The following NIPBL variants were observed in gnomAD, a reference collection of about 807,000 sequenced individuals.
NIPBL encodes nipped-B-like protein.
Under a neutral mutation model 321.8 loss-of-function variants are expected in NIPBL, and 19 were observed. That is an observed-to-expected ratio of 0.06 (90% confidence interval 0.04 to 0.09). The LOEUF (loss-of-function observed/expected upper bound fraction) is 0.09, where lower values mean the gene tolerates loss of function less well. NIPBL is among the 10% of genes least tolerant of loss of function. The pLI is 1.00. For missense variants in NIPBL, 2,210 were observed against 3,327.0 expected, an observed-to-expected ratio of 0.66 and a Z score of 8.26; for synonymous variants, 1,106 against 1,114.1, an observed-to-expected ratio of 0.99 and a Z score of 0.14.
chr5:36,900,429 G>C (rs1174001130), intron 1 of NIPBL, among the ~76,000 whole-genome samples: 1 of 152,118 alleles, frequency 6.6e-6, no homozygotes, highest in Non-Finnish European at 1.5e-5. Flanking sequence ...AAAGGGGACT[G>C]TCTAGCTATA....
At chr5:36,947,357 A>T (rs1181951362) in intron 1 of NIPBL, among the ~76,000 whole-genome samples, 1 of 152,038 alleles carries the variant, frequency 6.6e-6, no homozygotes, top group African/African-American at 2.4e-5. Context: ...ACATGTAAGT[A>T]CTGCAGTATT....
In NIPBL at chr5:36,962,151, G is replaced by A; in HGVS notation, c.487G>A (p.Gly163Arg). 1 of 1,614,018 alleles carries A rather than the reference G, an allele frequency of 6.2e-7. No individual in the cohort carries two copies. ...SRFVPPQTSS[G>R]NRFMPQQNSP... ...GTTTGTGCCACCACAGACAAGCTCT[G>A]GGAACAGATTTATGCCACAGCAAAA... Residue 163 changes from glycine to arginine, a missense_variant, in exon 6 of 47, where the codon GGG becomes AGG. Around this residue, in one of 14 missense-constraint regions of NIPBL, gnomAD observed 464 missense variants for 529.5 expected, o/e 0.88. Transcript: ENST00000282516.
chr5:37,051,580 C>G, intron 40 of NIPBL, 199 bp from the exon 41 acceptor site: 4 of 587,574 alleles, frequency 6.8e-6, no homozygotes, highest in Non-Finnish European at 3.0e-6. Context: ...AGTATTTTTG[C>G]TGGTGCTCCA....
intron 1 of NIPBL, among the ~76,000 whole-genome samples, chr5:36,897,885 A>G (rs1382904455): frequency 1.4e-5 from 2 of 144,326 alleles, no homozygotes; most frequent in Non-Finnish European, 3.1e-5. Context: ...TGAGTCATAC[A>G]GGGAAAAAAA....
intron 34 of NIPBL, among the ~76,000 whole-genome samples, chr5:37,043,124 G>T (rs1239038979): frequency 6.6e-6 from 1 of 152,104 alleles, no homozygotes; most frequent in Non-Finnish European, 1.5e-5. Flanking sequence ...GGCTGAGCAT[G>T]GTGGCCCACA....
chr5:36,890,933 CT>C (rs1401442208), intron 1 of NIPBL, among the ~76,000 whole-genome samples: 2 of 152,120 alleles, frequency 1.3e-5, no homozygotes, highest in Non-Finnish European at 2.9e-5. Flanking sequence ...ATTCCTATGT[CT>C]TTTCTCAGGA....
At chr5:37,011,787 C>G (rs529847001) in intron 21 of NIPBL, among the ~76,000 whole-genome samples, 1 of 151,856 alleles carries the variant, frequency 6.6e-6, no homozygotes, top group Admixed American at 6.6e-5. Flanking sequence ...AATTTTTTCA[C>G]TCAACATCGC....
intron 1 of NIPBL, among the ~76,000 whole-genome samples, chr5:36,947,238 C>T (rs893755186): frequency 3.9e-5 from 6 of 151,952 alleles, no homozygotes; most frequent in African/African-American, 1.4e-4. Flanking sequence ...AGCTATAGTT[C>T]AGACTACTTT....
intron 40 of NIPBL, 45 bp from the exon 41 acceptor site, chr5:37,051,734 A>G (rs1048627152): frequency 2.9e-6 from 4 of 1,389,064 alleles, no homozygotes; most frequent in Non-Finnish European, 3.1e-6. Context: ...TAAATAGAGA[A>G]TTTTTACTAC....
At chr5:37,024,836 G>A in intron 30 of NIPBL, 117 bp downstream of exon 30, 1 of 775,442 alleles carries the variant, frequency 1.3e-6, no homozygotes, top group Non-Finnish European at 2.0e-6. Context: ...ATCGTTTATA[G>A]TTTATAAACT....
At chr5:36,924,287 T>C (rs1749184468) in intron 1 of NIPBL, among the ~76,000 whole-genome samples, 1 of 152,102 alleles carries the variant, frequency 6.6e-6, no homozygotes, top group Non-Finnish European at 1.5e-5. Flanking sequence ...ATTAATAAAA[T>C]GTTTAGTGTG....
intron 21 of NIPBL, among the ~76,000 whole-genome samples, chr5:37,014,387 T>G (rs1440136352): frequency 6.6e-6 from 1 of 152,174 alleles, no homozygotes; most frequent in Non-Finnish European, 1.5e-5. Flanking sequence ...TTTCAATCCA[T>G]TTCTTTCTGT....
At chr5:36,922,011 C>T (rs1237900972) in intron 1 of NIPBL, among the ~76,000 whole-genome samples, 2 of 151,646 alleles carry the variant, frequency 1.3e-5, no homozygotes, top group East Asian at 1.9e-4. Context: ...CCCAGCCTCC[C>T]GAGTAGCTGG....
At chr5:37,036,793 A>G (rs1201114239) in intron 33 of NIPBL, among the ~76,000 whole-genome samples, 2 of 151,860 alleles carry the variant, frequency 1.3e-5, no homozygotes, top group Admixed American at 6.6e-5. Flanking sequence ...AGGGGCTAAT[A>G]TGTATCTAGC....
At chr5:36,999,532 T>C (rs1369280817) in intron 11 of NIPBL, among the ~76,000 whole-genome samples, 2 of 152,220 alleles carry the variant, frequency 1.3e-5, no homozygotes, top group Non-Finnish European at 2.9e-5. Context: ...TTCTCAGGGC[T>C]TGGGGTTATT....
intron 2 of NIPBL, 26 bp from the exon 3 acceptor site, chr5:36,955,446 T>C (rs1180009909): frequency 6.2e-7 from 1 of 1,600,154 alleles, no homozygotes; most frequent in Non-Finnish European, 8.6e-7. Flanking sequence ...ACTCAATTTC[T>C]AATAATCTGA....
intron 1 of NIPBL, among the ~76,000 whole-genome samples, chr5:36,898,374 A>T (rs1271646590): frequency 1.3e-5 from 2 of 152,192 alleles, no homozygotes; most frequent in Non-Finnish European, 1.5e-5. Context: ...ATTCATGGTC[A>T]TATTTAATAC....
At chr5:36,995,083 A>T (rs1036194324) in intron 10 of NIPBL, 12 of 153,144 alleles carry the variant, frequency 7.8e-5, no homozygotes, top group African/African-American at 2.9e-4. Context: ...AATAGACAGT[A>T]ATAGGTAAAA....
intron 3 of NIPBL, among the ~76,000 whole-genome samples, chr5:36,957,073 T>C (rs1741048064): frequency 6.6e-6 from 1 of 152,190 alleles, no homozygotes; most frequent in Admixed American, 6.5e-5. Context: ...AGTCTTATCA[T>C]TGGACACCAT....
Sources: gnomAD v4.1 joint callset for allele counts (sites outside exome capture counted in the v4.1 genomes callset) on GRCh38, gnomAD v4.1.1 for gene constraint, gnomAD v4.1.1 regional missense constraint, MANE v1.5 for transcripts, NCBI Gene and HGNC (gene_info 2026-07-23, HGNC 2026-07-21) for gene names.